The following ASAP1 variants were observed in gnomAD, a reference collection of about 807,000 sequenced individuals.
ASAP1 encodes the protein ArfGAP with SH3 domain, ankyrin repeat and PH domain 1.
In ASAP1, 43 loss-of-function variants were observed where a neutral mutation model predicts 145.2. The ratio of observed to expected loss-of-function variants is 0.30; its 90% confidence interval spans 0.23 to 0.38. The LOEUF (loss-of-function observed/expected upper bound fraction) is 0.38. Among genes scored for constraint, ASAP1 ranks in the 10% least tolerant of loss-of-function variants. ASAP1 has a pLI of 1.00. For synonymous variants in ASAP1, 546 were observed against 515.5 expected, an observed-to-expected ratio of 1.06 and a Z score of -0.80; for missense variants, 1,018 against 1,355.3, an observed-to-expected ratio of 0.75 and a Z score of 3.91.
chr8:130,066,854 C>G (rs969916921), intron 27 of ASAP1, among the ~76,000 whole-genome samples: 1 of 152,190 alleles, frequency 6.6e-6, no homozygotes, highest in Non-Finnish European at 1.5e-5. Flanking sequence ...CACTGCCCCC[C>G]ATTTCAGCCT....
intron 1 of ASAP1, among the ~76,000 whole-genome samples, chr8:130,439,877 G>A (rs1830435187): frequency 6.6e-6 from 1 of 152,162 alleles, no homozygotes; most frequent in African/African-American, 2.4e-5. Flanking sequence ...CCTCCTGCCT[G>A]CCTGAAATCT....
intron 3 of ASAP1, among the ~76,000 whole-genome samples, chr8:130,273,526 C>T (rs755542680): frequency 1.3e-5 from 2 of 152,110 alleles, no homozygotes; most frequent in Non-Finnish European, 2.9e-5. Context: ...GGGAAACTTG[C>T]TATAAACACA....
chr8:130,253,145 G>A (rs1466179919), intron 3 of ASAP1, among the ~76,000 whole-genome samples: 1 of 152,164 alleles, frequency 6.6e-6, no homozygotes, highest in African/African-American at 2.4e-5. Context: ...ACTAGATGCT[G>A]GAATTTAAAT....
intron 3 of ASAP1, among the ~76,000 whole-genome samples, chr8:130,242,463 C>T (rs923579315): frequency 2.0e-5 from 3 of 151,896 alleles, no homozygotes; most frequent in Non-Finnish European, 4.4e-5. Flanking sequence ...CAAGGGAATG[C>T]TACTTTGGCC....
At chr8:130,088,498 G>A (rs1359613432) in intron 25 of ASAP1, among the ~76,000 whole-genome samples, 1 of 152,150 alleles carries the variant, frequency 6.6e-6, no homozygotes, top group Non-Finnish European at 1.5e-5. Context: ...CGGCGGCAGT[G>A]GGGAGATGAC....
intron 7 of ASAP1, among the ~76,000 whole-genome samples, chr8:130,183,615 C>T (rs1814518205): frequency 6.6e-6 from 1 of 152,016 alleles, no homozygotes; most frequent in Non-Finnish European, 1.5e-5. Flanking sequence ...GTGCTGGGAC[C>T]ACAGGCATGA....
intron 14 of ASAP1, among the ~76,000 whole-genome samples, chr8:130,135,663 T>C (rs1430690167): frequency 4.6e-5 from 7 of 152,218 alleles, no homozygotes; most frequent in Admixed American, 1.3e-4. Flanking sequence ...GGAAAACTGA[T>C]AGGGCTTTCA....
At chr8:130,170,913 G>T (rs1401411262) in intron 9 of ASAP1, among the ~76,000 whole-genome samples, 1 of 151,988 alleles carries the variant, frequency 6.6e-6, no homozygotes, top group Non-Finnish European at 1.5e-5. Flanking sequence ...ATAAGGTTTT[G>T]CCACATTGCT....
chr8:130,396,163 T>C (rs1828521425), intron 2 of ASAP1, among the ~76,000 whole-genome samples: 1 of 152,174 alleles, frequency 6.6e-6, no homozygotes, highest in Non-Finnish European at 1.5e-5. Flanking sequence ...AGTATACATG[T>C]AGTAAAAGGA....
At chr8:130,363,784 A>G (rs1039890529) in intron 2 of ASAP1, among the ~76,000 whole-genome samples, 1 of 152,190 alleles carries the variant, frequency 6.6e-6, no homozygotes, top group African/African-American at 2.4e-5. Flanking sequence ...TGTATTCTGT[A>G]TAGGGCTACT....
At chr8:130,097,209 A>ACC (rs1299916151) in intron 24 of ASAP1, among the ~76,000 whole-genome samples, 1 of 137,480 alleles carries the variant, frequency 7.3e-6, no homozygotes, top group Non-Finnish European at 1.5e-5. Flanking sequence ...TGTTCTCACC[A>ACC]CCCTTCATTC....
At chr8:130,241,386 T>G (rs80041919) in intron 3 of ASAP1, among the ~76,000 whole-genome samples, 3,115 of 152,216 alleles carry the variant, frequency 0.02, 50 homozygotes, top group East Asian at 0.064. Flanking sequence ...TTCTCTCTAC[T>G]AGAAGAATGG....
At chr8:130,277,688 T>C (rs567241683) in intron 3 of ASAP1, among the ~76,000 whole-genome samples, 70 of 152,300 alleles carry the variant, frequency 4.6e-4, no homozygotes, top group Non-Finnish European at 7.6e-4. Context: ...TCAAATGCCT[T>C]AGGAAACACC....
intron 4 of ASAP1, among the ~76,000 whole-genome samples, chr8:130,219,213 T>C (rs922722914): frequency 1.6e-5 from 2 of 122,932 alleles, no homozygotes; most frequent in African/African-American, 5.6e-5. Context: ...TTTTTTAACA[T>C]ACTGTATTAT....
chr8:130,354,445 A>G (rs1187335390), intron 3 of ASAP1, among the ~76,000 whole-genome samples: 1 of 152,168 alleles, frequency 6.6e-6, no homozygotes, highest in Non-Finnish European at 1.5e-5. Flanking sequence ...GTGGCCCAAT[A>G]TAAAATAACC....
At chr8:130,145,939 T>G (rs2097628533) in intron 13 of ASAP1, among the ~76,000 whole-genome samples, 1 of 151,438 alleles carries the variant, frequency 6.6e-6, no homozygotes, top group African/African-American at 2.4e-5. Flanking sequence ...CCACATGGGC[T>G]TCAGTGATCC....
intron 27 of ASAP1, among the ~76,000 whole-genome samples, chr8:130,065,962 C>G (rs1231408130): frequency 6.6e-6 from 1 of 152,122 alleles, no homozygotes; most frequent in African/African-American, 2.4e-5. Context: ...GGCCGTTTTC[C>G]ACAGGCATTC....
chr8:130,243,344 C>T (rs1052729643), intron 3 of ASAP1, among the ~76,000 whole-genome samples: 31 of 152,082 alleles, frequency 2.0e-4, no homozygotes, highest in African/African-American at 6.5e-4. Flanking sequence ...CTAAAAACTC[C>T]GTAAGAATAA....
chr8:130,060,496 G>T, intron 28 of ASAP1, 83 bp downstream of exon 28: 1 of 1,495,954 alleles, frequency 6.7e-7, no homozygotes, highest in Admixed American at 2.2e-5. Context: ...ACTTTTTCTT[G>T]TGTAAGTTGG....
Sources: gnomAD v4.1 joint callset for allele counts (sites outside exome capture counted in the v4.1 genomes callset) on GRCh38, gnomAD v4.1.1 for gene constraint, MANE v1.5 for transcripts, NCBI Gene and HGNC (gene_info 2026-07-23, HGNC 2026-07-21) for gene names.